The following IQUB variants were observed in gnomAD, a reference collection of about 807,000 sequenced individuals.
The protein encoded by IQUB is IQ motif and ubiquitin domain containing, also known as IQ motif and ubiquitin-like domain-containing protein.
IQUB carries 86 observed loss-of-function variants against 86.4 expected under a neutral mutation model. The ratio of observed to expected loss-of-function variants is 1.00; its 90% CI spans 0.84 to 1.19. The LOEUF (loss-of-function observed/expected upper bound fraction) is 1.19. Among genes scored for constraint, IQUB ranks in the 50% most tolerant of loss-of-function variants. The pLI, the probability that IQUB is intolerant of heterozygous loss-of-function variation, is 0.00. For missense variants in IQUB, 946 were observed against 916.9 expected, an observed-to-expected ratio of 1.03 and a Z score of -0.41; for synonymous variants, 289 against 304.5, an observed-to-expected ratio of 0.95 and a Z score of 0.53.
rs1562862442 is a variant in IQUB at position 123,503,268 on chromosome 7, A to G, written c.628T>C (p.Tyr210His). The change falls in exon 4 of 13, where the codon TAT (tyrosine) becomes CAT (histidine). Residue 210 changes from tyrosine (Y) to histidine (H), a missense_variant. Physicochemically the swap from Tyr to His is moderately conservative, Grantham distance 83. Coordinates refer to ENST00000324698, the MANE Select transcript of IQUB (RefSeq NM_178827.5). ...VEIFSTNPDL[Y>H]PVRRIDGLTD... is the part of the protein sequence containing the mutation. Reference sequence around the variant, plus strand: ...AATCCATCTATTCTTCTGACTGGATACAGATCTGGATTTGTAGAAAAGATT... The same window carrying G: ...AATCCATCTATTCTTCTGACTGGATGCAGATCTGGATTTGTAGAAAAGATT... 1.9e-6 allele frequency: 3 copies of G among 1,606,594 alleles called. No individual in the cohort carries two copies. The highest frequency in any genetic ancestry group is 1.7e-6 in the Non-Finnish European group (2 of 1,173,406).
At chr7:123,492,190 T>A (rs1392910518) in intron 7 of IQUB, among the ~76,000 whole-genome samples, 3 of 152,146 alleles carry the variant, frequency 2.0e-5, no homozygotes, top group Non-Finnish European at 2.9e-5. Context: ...TTTCTGTTAT[T>A]TATATATATG....
rs889219888 is a variant in IQUB, at chr7:123,479,903, C to A, written c.1302G>T (p.Leu434=). ...GAGTCTCTTTTTCCAGAAGTTCACA[C>A]AGAGCAGCTTTCCTTTCAGCTCCAG... ...SFTGAERKAA[L]CELLEKETQI... Residue 434 remains leucine, a synonymous_variant, in exon 8 of 13, where the codon CTG becomes CTT. Transcript: ENST00000324698. 1 of 1,613,232 alleles carries A rather than the reference C, an allele frequency of 6.2e-7. No individual in the cohort carries two copies. Among genetic ancestry groups the A allele is most frequent in the African/African-American group, 1.3e-5 (1 of 74,978 alleles).
chr7:123,486,500 T>A (rs1356074726), intron 7 of IQUB, among the ~76,000 whole-genome samples: 1 of 152,186 alleles, frequency 6.6e-6, no homozygotes, highest in Non-Finnish European at 1.5e-5. Flanking sequence ...TGAATGTGAC[T>A]TAGCCTTGCT....
chr7:123,503,150 A>C, intron 4 of IQUB, 34 bp from the exon 5 acceptor site: 2 of 1,608,764 alleles, frequency 1.2e-6, no homozygotes, highest in Non-Finnish European at 1.7e-6. Flanking sequence ...ATGAAAGCTC[A>C]ACCAAGAAGG....
intron 7 of IQUB, among the ~76,000 whole-genome samples, chr7:123,487,615 A>G (rs998497159): frequency 6.6e-6 from 1 of 152,242 alleles, no homozygotes; most frequent in Admixed American, 6.5e-5. Context: ...GCAAAAGTGT[A>G]AACTATGCTT....
intron 1 of IQUB, among the ~76,000 whole-genome samples, chr7:123,518,287 T>G (rs780654598): frequency 1.3e-5 from 2 of 152,182 alleles, no homozygotes; most frequent in African/African-American, 4.8e-5. Flanking sequence ...TAGCTGGTTA[T>G]CTTAATTTCA....
chr7:123,457,120 C>T (rs574871139), intron 12 of IQUB: 7 of 955,168 alleles, frequency 7.3e-6, no homozygotes, highest in South Asian at 4.8e-5. Context: ...TGGAATTTAC[C>T]GTGGAATGTG....
At chr7:123,485,766 A>G (rs1795193388) in intron 7 of IQUB, among the ~76,000 whole-genome samples, 1 of 152,196 alleles carries the variant, frequency 6.6e-6, no homozygotes, top group Admixed American at 6.6e-5. Flanking sequence ...TAAAATTCTC[A>G]TCACAGACTA....
At position 123,452,823 on chromosome 7, in the gene IQUB, C is replaced by CATCATCAAGTATA; in HGVS notation, c.2283_2295dup (p.Gly766TyrfsTer3). ...TTCCATCTGATCTCATCAATTTCAC[C>CATCATCAAGTATA]ATCATCAAGTATAAATGAAGCCAGC... On this transcript the variant is annotated stop_gained and frameshift_variant, in exon 13 of 13. Coordinates refer to ENST00000324698, the MANE Select transcript of IQUB (RefSeq NM_178827.5). LOFTEE classifies it low-confidence loss of function (END_TRUNC). 1.9e-6 allele frequency: 3 copies of CATCATCAAGTATA among 1,613,372 alleles called. No homozygotes were observed. The East Asian group carries it at 6.7e-5, about 36-fold the overall frequency.
chr7:123,480,308 G>C lies in IQUB; in HGVS notation c.1235-338C>G, dbSNP rs138023650. Among the ~76,000 whole-genome samples, 194 of 152,232 alleles carry C rather than the reference G, an allele frequency of 1.3e-3. 1 individual carries two copies. The highest frequency in any genetic ancestry group is 4.3e-3 in the African/African-American group (177 of 41,558). On this transcript the variant is annotated intron_variant, in intron 7 of 12. Transcript: ENST00000324698. ...GCACTGTTCACATCTCCCTTCAAGA[G>C]AGTACTTGTCACAACGGGTAAAGGT...
In IQUB at chr7:123,467,087, G is replaced by A. The variant is rs1415627339; in HGVS notation, c.1582-2078C>T. 1.9e-4 allele frequency among the ~76,000 whole-genome samples: 29 copies of A among 151,220 alleles called. 1 individual carries two copies. The highest frequency in any genetic ancestry group is 1.9e-3 in the Admixed American group (29 of 15,186). ...ATTATATAAGCTTACATTAAATATT[G>A]AGCTTACATTATGGTCAGGATAAAT... On this transcript the variant is annotated intron_variant, in intron 9 of 12. Coordinates refer to ENST00000324698, the MANE Select transcript of IQUB (RefSeq NM_178827.5).
At chr7:123,460,553 T>C (rs1447725201) in intron 11 of IQUB, among the ~76,000 whole-genome samples, 2 of 151,952 alleles carry the variant, frequency 1.3e-5, no homozygotes, top group Admixed American at 1.3e-4. Flanking sequence ...ACAAATATCA[T>C]TAATGAGGTC....
At position 123,506,829 on chromosome 7, in the gene IQUB, C is replaced by A. The variant is rs142170744; in HGVS notation, c.532+3072G>T. On this transcript the variant is annotated intron_variant, in intron 3 of 12. Coordinates refer to ENST00000324698, the MANE Select transcript of IQUB (RefSeq NM_178827.5). ...AGAAACTCATATAAATTAATTCATG[C>A]CACGGTAGAGGTAAGCCAGTTTTGT... Among the ~76,000 whole-genome samples the A allele has an allele frequency of 5.8e-3, 884 of 152,200 alleles. 11 individuals are homozygous for A. The highest frequency in any genetic ancestry group is 0.015 in the Admixed American group (231 of 15,282).
At chr7:123,496,495 T>C (rs1795711365) in intron 7 of IQUB, among the ~76,000 whole-genome samples, 1 of 152,172 alleles carries the variant, frequency 6.6e-6, no homozygotes, top group South Asian at 2.1e-4. Flanking sequence ...TAATTGTTAA[T>C]ATAAAAGCAT....
chr7:123,454,809 A>T (rs149793435), intron 12 of IQUB, among the ~76,000 whole-genome samples: 14 of 152,258 alleles, frequency 9.2e-5, no homozygotes, highest in African/African-American at 3.4e-4. Flanking sequence ...CACAGGGGTG[A>T]AGTGCCCTTC....
chr7:123,521,767 C>T (rs1796917382), intron 1 of IQUB, among the ~76,000 whole-genome samples: 1 of 151,376 alleles, frequency 6.6e-6, no homozygotes, highest in African/African-American at 2.4e-5. Flanking sequence ...TATGAATGAC[C>T]CAAATAACTA....
In IQUB at chr7:123,461,351, C is replaced by A. The variant is rs922678546; in HGVS notation, c.2007+6G>T. On this transcript the variant is annotated splice_donor_region_variant and intron_variant, in intron 11 of 12. Transcript: ENST00000324698. Reference sequence around the variant, plus strand: ...AGCTATAATTGGCACCCCTTATTGACCATACCTGCATCAAGAAAGCAATTT... The same window carrying A: ...AGCTATAATTGGCACCCCTTATTGAACATACCTGCATCAAGAAAGCAATTT... 1.2e-6 allele frequency: 2 copies of A among 1,600,772 alleles called. No homozygotes were observed. Among genetic ancestry groups the A allele is most frequent in the Non-Finnish European group, 1.7e-6 (2 of 1,170,902 alleles).
chr7:123,504,442 C>G, intron 3 of IQUB, among the ~76,000 whole-genome samples: 1 of 152,086 alleles, frequency 6.6e-6, no homozygotes, highest in South Asian at 2.1e-4. Context: ...GAGCAAAACT[C>G]TGTCTCGAAA....
At chr7:123,525,255 G>A (rs1341742371) in intron 1 of IQUB, among the ~76,000 whole-genome samples, 3 of 151,812 alleles carry the variant, frequency 2.0e-5, no homozygotes, top group Non-Finnish European at 2.9e-5. Flanking sequence ...TCTATTGATC[G>A]GAATAGTTTC....
Sources: gnomAD v4.1 joint callset for allele counts (sites outside exome capture counted in the v4.1 genomes callset) on GRCh38, gnomAD v4.1.1 for gene constraint, MANE v1.5 for transcripts, NCBI Gene and HGNC (gene_info 2026-07-23, HGNC 2026-07-21) for gene names.